ADGRV1: variants seen among roughly 807,000 people sequenced by gnomAD.
ADGRV1 encodes adhesion G protein-coupled receptor V1.
ADGRV1 carries 359 observed loss-of-function variants against 596.2 expected under a neutral mutation model. The ratio of observed to expected loss-of-function variants is 0.60; its 90% confidence interval spans 0.55 to 0.66. The LOEUF (loss-of-function observed/expected upper bound fraction) is 0.66, where lower values mean the gene tolerates loss of function less well. Ranked by LOEUF, ADGRV1 falls within the 30% of genes least tolerant of loss-of-function variation. The pLI, the probability that ADGRV1 is intolerant of heterozygous loss-of-function variation, is 0.00. For synonymous variants in ADGRV1, 2,681 were observed against 2,679.2 expected, an observed-to-expected ratio of 1.00 and a Z score of -0.02; for missense variants, 7,274 against 7,575.6, an observed-to-expected ratio of 0.96 and a Z score of 1.48.
intron 23 of ADGRV1, 114 bp downstream of exon 23, chr5:90,674,348 C>T (rs1772931167): frequency 5.0e-6 from 3 of 603,022 alleles, no homozygotes; most frequent in Admixed American, 7.3e-5. Flanking sequence ...CTTCAGACCT[C>T]CTAATTTCTA....
At chr5:90,938,229 T>C (rs1193995857) in intron 83 of ADGRV1, among the ~76,000 whole-genome samples, 2 of 152,192 alleles carry the variant, frequency 1.3e-5, no homozygotes, top group African/African-American at 4.8e-5. Context: ...GAGTTGTCTG[T>C]CATTCAATAG....
intron 48 of ADGRV1, among the ~76,000 whole-genome samples, chr5:90,726,645 C>A (rs1189470905): frequency 7.6e-6 from 1 of 131,904 alleles, no homozygotes; most frequent in Non-Finnish European, 1.6e-5. Flanking sequence ...CCCTTTCTCT[C>A]TCTGGGTATG....
rs994347057 is a variant in ADGRV1 at position 90,985,449 on chromosome 5, C to T, written c.18079C>T (p.Leu6027Phe). The part of the protein sequence containing the change: ...SWGLPAFVVI[L>F]LIVILKGIYH... Reference sequence around the variant, plus strand: ...GGGACTACCAGCTTTTGTGGTGATTCTCCTCATAGTTATTTTGAAAGGAAT... The same window carrying T: ...GGGACTACCAGCTTTTGTGGTGATTTTCCTCATAGTTATTTTGAAAGGAAT... Residue 6027 changes from leucine (L) to phenylalanine (F), a missense_variant, in exon 85 of 90, where the codon CTC (leucine) becomes TTC (phenylalanine). Around this residue, in one of 5 missense-constraint regions of ADGRV1, gnomAD observed 1,874 missense variants for 1,970.2 expected, o/e 0.95. Coordinates refer to ENST00000405460, the MANE Select transcript of ADGRV1 (RefSeq NM_032119.4). The T allele has an allele frequency of 9.9e-6, 16 of 1,613,568 alleles. No homozygotes were observed. The highest frequency in any genetic ancestry group is 1.4e-5 in the Non-Finnish European group (16 of 1,179,690).
At chr5:90,880,331 A>C (rs1278009696) in intron 83 of ADGRV1, among the ~76,000 whole-genome samples, 1 of 152,218 alleles carries the variant, frequency 6.6e-6, no homozygotes, top group Non-Finnish European at 1.5e-5. Context: ...TGTCATGTAC[A>C]GTATCTGCTG....
At chr5:90,826,505 C>A (rs951077677) in intron 76 of ADGRV1, among the ~76,000 whole-genome samples, 1 of 152,126 alleles carries the variant, frequency 6.6e-6, no homozygotes, top group Non-Finnish European at 1.5e-5. Flanking sequence ...TCCTGAGCCT[C>A]CCAGGTTTAA....
intron 85 of ADGRV1, among the ~76,000 whole-genome samples, chr5:90,986,377 T>C (rs1489296064): frequency 6.6e-6 from 1 of 151,956 alleles, no homozygotes; most frequent in Non-Finnish European, 1.5e-5. Context: ...ATGAAAAATA[T>C]TGAAAGTTAA....
chr5:91,121,454 A>G (rs1012959779), intron 87 of ADGRV1, among the ~76,000 whole-genome samples: 1 of 152,144 alleles, frequency 6.6e-6, no homozygotes, highest in Non-Finnish European at 1.5e-5. Context: ...GTGAAACAGT[A>G]GGCCAAGTGA....
At chr5:90,978,454 G>C (rs573615740) in intron 84 of ADGRV1, among the ~76,000 whole-genome samples, 16 of 152,030 alleles carry the variant, frequency 1.1e-4, no homozygotes, top group African/African-American at 3.6e-4. Flanking sequence ...ATTCTTTCTG[G>C]AGGAGATGGT....
At chr5:91,093,920 C>G (rs1790609128) in intron 86 of ADGRV1, among the ~76,000 whole-genome samples, 1 of 148,642 alleles carries the variant, frequency 6.7e-6, no homozygotes, top group Admixed American at 6.7e-5. Flanking sequence ...GGTGCGATCT[C>G]TGCTCACTGC....
chr5:91,031,065 T>G, intron 85 of ADGRV1: 1 of 1,491,912 alleles, frequency 6.7e-7, no homozygotes, highest in Non-Finnish European at 9.1e-7. Flanking sequence ...TAACTGCCAA[T>G]CATATAGGGA....
chr5:91,014,425 T>C (rs931023867), intron 85 of ADGRV1, among the ~76,000 whole-genome samples: 2 of 152,060 alleles, frequency 1.3e-5, no homozygotes, highest in African/African-American at 4.8e-5. Flanking sequence ...CTCCTCAATT[T>C]TTTTGAATAG....
Position 90,685,812 on chromosome 5 carries a change from G to T in ADGRV1, c.6307G>T (p.Glu2103Ter), listed in dbSNP as rs2149594548. The change falls in exon 29 of 90, where the codon GAA becomes TAA. Residue 2103 changes from glutamate to a stop codon, truncating the protein, a stop_gained. Coordinates refer to ENST00000405460, the MANE Select transcript of ADGRV1 (RefSeq NM_032119.4). LOFTEE classifies it high-confidence loss of function. The stretch of plus-strand genomic sequence containing the variant: ...TTCTCCACGTCTTGGGCCTAAGGTA[G>T]AAACTATTGCGCAACTAATTATCAT... ...PNSPRLGPKV[E>*]TIAQLIIIAN... The T allele has an allele frequency of 3.7e-6, 6 of 1,610,912 alleles. No individual in the cohort carries two copies. Among genetic ancestry groups the T allele is most frequent in the Non-Finnish European group, 4.2e-6 (5 of 1,178,580 alleles).
intron 1 of ADGRV1, among the ~76,000 whole-genome samples, chr5:90,591,395 C>A (rs764376949): frequency 6.0e-5 from 9 of 150,318 alleles, no homozygotes; most frequent in Non-Finnish European, 1.2e-4. Context: ...GACTCTGTCT[C>A]AAAAAAAATA....
intron 50 of ADGRV1, among the ~76,000 whole-genome samples, chr5:90,742,933 G>A (rs1754142981): frequency 6.6e-6 from 1 of 152,164 alleles, no homozygotes; most frequent in African/African-American, 2.4e-5. Flanking sequence ...GTGATTGCTT[G>A]GGAGAGGACC....
At position 90,807,864 on chromosome 5, in the gene ADGRV1, G is replaced by A. The variant is rs1425388639; in HGVS notation, c.14972+127G>A. On this transcript the variant is annotated intron_variant, in intron 73 of 89. Transcript: ENST00000405460. ...AACACAAACATAGTTTTAGTGTAGAGCATCACGTGGCGTGCATGCTGGAGA... is the reference window on the plus strand; with the variant it reads ...AACACAAACATAGTTTTAGTGTAGAACATCACGTGGCGTGCATGCTGGAGA... 4.9e-6 allele frequency: 4 copies of A among 810,060 alleles called. No individual in the cohort carries two copies. The South Asian group carries it at 1.5e-4, about 30-fold the overall frequency. The allele number at this position is 810,060 out of a possible 1,614,324, so 50.2% of individuals were successfully genotyped here.
chr5:90,569,339 G>T (rs1308289630), intron 1 of ADGRV1, among the ~76,000 whole-genome samples: 13 of 57,258 alleles, frequency 2.3e-4, no homozygotes, highest in African/African-American at 7.0e-4. Context: ...GCTTTCTTTT[G>T]GTTTCTGTTT....
In ADGRV1 at chr5:90,627,365, A is replaced by T; in HGVS notation, c.827A>T (p.Asp276Val). The T allele has an allele frequency of 3.7e-6, 6 of 1,613,970 alleles. No individual in the cohort carries two copies. The highest frequency in any genetic ancestry group is 5.1e-6 in the Non-Finnish European group (6 of 1,179,832). The change falls in exon 7 of 90, where the codon GAC becomes GTC. Residue 276 changes from aspartate (D) to valine (V), a missense_variant. Asp to Val is a radical substitution (Grantham distance 152). Transcript: ENST00000405460. ...AGTATTTATTTGGTTCCTGAGGAAG[A>T]CCACATACTCATAATTCCAGTAGTT... ...LQSIYLVPEE[D>V]HILIIPVVRG...
intron 1 of ADGRV1, 35 bp downstream of exon 1, chr5:90,558,952 C>T: frequency 3.2e-6 from 5 of 1,543,792 alleles, no homozygotes; most frequent in Non-Finnish European, 4.4e-6. Context: ...CTGCGAGCAT[C>T]GCTGAGCCCC....
chr5:90,625,059 A>T, intron 5 of ADGRV1, 71 bp from the exon 6 acceptor site: 1 of 876,174 alleles, frequency 1.1e-6, no homozygotes, highest in South Asian at 1.6e-5. Context: ...GTCAGCTGAC[A>T]TCACAATGAT....
Sources: allele counts gnomAD v4.1 joint callset (sites outside exome capture counted in the v4.1 genomes callset), GRCh38; gene constraint gnomAD v4.1.1; regional missense constraint gnomAD v4.1.1; transcripts MANE v1.5; gene names NCBI Gene and HGNC (gene_info 2026-07-23, HGNC 2026-07-21).